The following RAD23B variants were observed in gnomAD, a reference collection of about 807,000 sequenced individuals.
RAD23B encodes lysine-specific demethylase RAD23B.
RAD23B carries 5 observed loss-of-function variants against 49.1 expected under a neutral mutation model. The observed-to-expected ratio is 0.10, with a 90% CI of 0.05 to 0.21. The LOEUF is 0.21. Ranked by LOEUF, RAD23B falls within the 10% of genes least tolerant of loss-of-function variation. The pLI, the probability that RAD23B is intolerant of heterozygous loss-of-function variation, is 1.00. For synonymous variants in RAD23B, 184 were observed against 165.4 expected (o/e 1.11, Z -0.86); for missense variants, 356 against 486.7 (o/e 0.73, Z 2.53).
rs1205432748 is a variant in RAD23B at position 107,318,929 on chromosome 9, C to T, written c.681+50C>T. On this transcript the variant is annotated intron_variant, in intron 6 of 9. Transcript: ENST00000358015. The surrounding 1 kb of genome is among the most constrained non-coding windows in gnomAD (Gnocchi z 4.3). ...CCATTCTGTTGTTTAAGATTAAAATCTCAAAGAAACAGATTTTAAAGGACC... is the reference window on the plus strand; with the variant it reads ...CCATTCTGTTGTTTAAGATTAAAATTTCAAAGAAACAGATTTTAAAGGACC... The T allele has an allele frequency of 6.5e-7, 1 of 1,537,176 alleles. No homozygotes were observed. Among genetic ancestry groups the T allele is most frequent in the African/African-American group, 1.4e-5 (1 of 72,674 alleles).
In RAD23B at chr9:107,329,999, TA is replaced by T. The variant is rs1439909380; in HGVS notation, c.*344del. On this transcript the variant is annotated 3_prime_UTR_variant, in exon 10 of 10. Transcript: ENST00000358015. ...AAACTTAGTGTAATGCCCTGCTTTA[TA>T]TTTCTTTGACTTAACATTGGTTTCA... 1 of 159,642 alleles carries T rather than the reference TA, an allele frequency of 6.3e-6. No individual in the cohort carries two copies. The highest frequency in any genetic ancestry group is 1.4e-5 in the Non-Finnish European group (1 of 72,946). The allele number at this position is 159,642 out of a possible 1,614,324, so 9.9% of individuals were successfully genotyped here.
At chr9:107,323,360 T>A (rs1827145124) in intron 7 of RAD23B, among the ~76,000 whole-genome samples, 1 of 152,218 alleles carries the variant, frequency 6.6e-6, no homozygotes, top group Non-Finnish European at 1.5e-5. Flanking sequence ...TAAGTTTGGA[T>A]TAAAGTTTCT....
intron 9 of RAD23B, among the ~76,000 whole-genome samples, chr9:107,325,515 A>AT (rs1279433100): frequency 6.6e-6 from 1 of 152,046 alleles, no homozygotes; most frequent in East Asian, 1.9e-4. Context: ...TTATAAATGG[A>AT]TTTTTCTCTT....
chr9:107,303,921 G>A (rs1414085833), intron 3 of RAD23B, among the ~76,000 whole-genome samples: 1 of 152,158 alleles, frequency 6.6e-6, no homozygotes, highest in Non-Finnish European at 1.5e-5. Flanking sequence ...TTGAGGAATA[G>A]ATACTTGAAG....
intron 6 of RAD23B, among the ~76,000 whole-genome samples, chr9:107,321,082 A>G (rs1293735530): frequency 6.6e-6 from 1 of 152,178 alleles, no homozygotes; most frequent in Non-Finnish European, 1.5e-5. Flanking sequence ...AGGTGTCCCA[A>G]AAGAGTTTAG....
intron 1 of RAD23B, among the ~76,000 whole-genome samples, chr9:107,290,297 CAT>C (rs1283849198): frequency 2.0e-5 from 3 of 152,318 alleles, no homozygotes; most frequent in Admixed American, 6.5e-5. Flanking sequence ...CATCCCCTGT[CAT>C]GTGTGAAGGA....
intron 9 of RAD23B, among the ~76,000 whole-genome samples, chr9:107,328,000 G>T (rs72738220): frequency 0.059 from 8,977 of 151,976 alleles, 380 homozygotes; most frequent in South Asian, 0.12. Context: ...AGCCATTCTA[G>T]CTCTTTTTTG....
chr9:107,311,709 C>A lies in RAD23B; in HGVS notation c.525C>A (p.Asn175Lys). 6.4e-7 allele frequency: 1 copy of A among 1,569,172 alleles called. No individual in the cohort carries two copies. The highest frequency in any genetic ancestry group is 8.6e-7 in the Non-Finnish European group (1 of 1,165,862). The change falls in exon 5 of 10, where the codon AAC becomes AAA. Residue 175 changes from asparagine to lysine, a missense_variant. Transcript: ENST00000358015. ...DSTSGDSSRS[N>K]LFEDATSALV... is the part of the protein sequence containing the mutation. ...CATCGGGTGATTCTTCTCGGTCAAACCTTTTTGAAGATGCAACGAGTGCAC... is the reference window on the plus strand; with the variant it reads ...CATCGGGTGATTCTTCTCGGTCAAAACTTTTTGAAGATGCAACGAGTGCAC...
intron 5 of RAD23B, among the ~76,000 whole-genome samples, chr9:107,313,835 C>CT (rs1409682105): frequency 1.5e-4 from 23 of 152,262 alleles, no homozygotes; most frequent in Non-Finnish European, 2.9e-4. Flanking sequence ...CCCTCTGCCT[C>CT]TTTTGGCCCA....
Position 107,300,308 on chromosome 9 carries a change from C to T in RAD23B, c.148+86C>T, listed in dbSNP as rs561550336. 4 of 1,362,426 alleles carry T rather than the reference C, an allele frequency of 2.9e-6. No individual in the cohort carries two copies. In the African/African-American group the frequency reaches 6.0e-5, roughly 20 times the overall value. 84.4% of individuals were successfully genotyped at this position (1,362,426 alleles called of 1,614,324 possible). ...GTTATCTTATATATTGTAGTATATT[C>T]AAATTGTCAGAAAAATGATTGTACA... On this transcript the variant is annotated intron_variant, in intron 2 of 9. Coordinates refer to ENST00000358015, the MANE Select transcript of RAD23B (RefSeq NM_002874.5).
intron 5 of RAD23B, among the ~76,000 whole-genome samples, chr9:107,315,649 G>A (rs1191902749): frequency 6.6e-6 from 1 of 152,072 alleles, no homozygotes; most frequent in Non-Finnish European, 1.5e-5. Flanking sequence ...AAGTAGCTGG[G>A]ATTACAGGCG....
At chr9:107,304,229 A>G (rs1465939041) in intron 3 of RAD23B, among the ~76,000 whole-genome samples, 1 of 152,226 alleles carries the variant, frequency 6.6e-6, no homozygotes, top group East Asian at 1.9e-4. Context: ...TCTTGGCAGT[A>G]GGAACCTTGA....
chr9:107,311,230 T>C (rs1314154145), intron 4 of RAD23B, among the ~76,000 whole-genome samples: 2 of 152,228 alleles, frequency 1.3e-5, no homozygotes, highest in South Asian at 2.1e-4. Context: ...ATTCAGAACT[T>C]ACCTATAAGA....
At chr9:107,312,991 C>T (rs1826920039) in intron 5 of RAD23B, among the ~76,000 whole-genome samples, 1 of 152,140 alleles carries the variant, frequency 6.6e-6, no homozygotes, top group Non-Finnish European at 1.5e-5. Flanking sequence ...GTCTCGGGAT[C>T]CCTCTACATT....
intron 9 of RAD23B, among the ~76,000 whole-genome samples, chr9:107,326,763 A>G (rs958150755): frequency 1.1e-4 from 16 of 148,234 alleles, no homozygotes; most frequent in Non-Finnish European, 2.2e-4. Flanking sequence ...CCTCCCGAGT[A>G]GCTGGGACCA....
intron 1 of RAD23B, among the ~76,000 whole-genome samples, chr9:107,298,203 C>G (rs1320033002): frequency 1.3e-5 from 2 of 152,178 alleles, no homozygotes; most frequent in East Asian, 1.9e-4. Context: ...TGGCAAGTCT[C>G]TTAGCATGTA....
At chr9:107,325,099 G>A (rs569102084) in intron 9 of RAD23B, 95 bp downstream of exon 9, 2 of 1,220,996 alleles carry the variant, frequency 1.6e-6, no homozygotes, top group Non-Finnish European at 2.3e-6. Context: ...TGGATCACCT[G>A]AGGTCAGGAG....
intron 1 of RAD23B, among the ~76,000 whole-genome samples, chr9:107,292,957 T>G (rs1163662927): frequency 6.6e-6 from 1 of 152,190 alleles, no homozygotes; most frequent in Non-Finnish European, 1.5e-5. Context: ...ATAATTTCTG[T>G]GAGTCAGAAA....
chr9:107,326,480 CAAA>C (rs1223341449), intron 9 of RAD23B, among the ~76,000 whole-genome samples: 13 of 56,496 alleles, frequency 2.3e-4, no homozygotes, highest in African/African-American at 4.0e-4. Context: ...GACTCTGTCT[CAAA>C]AAAAAAAAAA....
Sources: allele counts gnomAD v4.1 joint callset (sites outside exome capture counted in the v4.1 genomes callset), GRCh38; gene constraint gnomAD v4.1.1; non-coding constraint Gnocchi (gnomAD v3.1); transcripts MANE v1.5; gene names NCBI Gene and HGNC (gene_info 2026-07-23, HGNC 2026-07-21).